Variants in SERPINA5 observed in about 807,000 individuals in gnomAD.
SERPINA5 encodes serpin family A member 5.
Under a neutral mutation model 25.3 loss-of-function variants are expected in SERPINA5, and 25 were observed. The ratio of observed to expected loss-of-function variants is 0.99; its 90% CI spans 0.72 to 1.38. The LOEUF is 1.38. Among genes scored for constraint, SERPINA5 ranks in the 40% most tolerant of loss-of-function variants. The pLI, the probability that SERPINA5 is intolerant of heterozygous loss-of-function variation, is 0.00. For missense variants in SERPINA5, 599 were observed against 509.5 expected, an observed-to-expected ratio of 1.18 and a Z score of -1.69; for synonymous variants, 234 against 206.2, an observed-to-expected ratio of 1.14 and a Z score of -1.16.
At chr14:94,585,972 G>A (rs1172084392) in intron 2 of SERPINA5, among the ~76,000 whole-genome samples, 4 of 152,136 alleles carry the variant, frequency 2.6e-5, no homozygotes, top group Non-Finnish European at 5.9e-5. Context: ...AGTGGCTCAA[G>A]GTGTAACTGA....
intron 2 of SERPINA5, among the ~76,000 whole-genome samples, chr14:94,585,822 G>A (rs1162874151): frequency 6.7e-6 from 1 of 149,804 alleles, no homozygotes; most frequent in South Asian, 2.1e-4. Flanking sequence ...GTACCCTATG[G>A]TACAGTTGAG....
intron 5 of SERPINA5, among the ~76,000 whole-genome samples, chr14:94,591,549 G>GTTCTATTCTA (rs59712526): frequency 0.15 from 16,565 of 108,162 alleles, 1,782 homozygotes; most frequent in South Asian, 0.21. Flanking sequence ...ATTCTGTTCT[G>GTTCTATTCTA]TTCTATTCTA....
chr14:94,588,827 G>A (rs1207174025), intron 3 of SERPINA5, among the ~76,000 whole-genome samples: 1 of 152,162 alleles, frequency 6.6e-6, no homozygotes, highest in Non-Finnish European at 1.5e-5. Context: ...TGCCTTCTTA[G>A]TATATCCTTG....
In SERPINA5 at chr14:94,587,723, C is replaced by T. The variant is rs6120; in HGVS notation, c.361C>T (p.Pro121Ser). Reference sequence around the variant, plus strand: ...GCAGCTCCTTCAGGAACTCAACCAGCCCAGAGATGGCTTCCAGCTGAGCCT... The same window carrying T: ...GCAGCTCCTTCAGGAACTCAACCAGTCCAGAGATGGCTTCCAGCTGAGCCT... ...FQQLLQELNQ[P>S]RDGFQLSLGN... The change falls in exon 3 of 6, where the codon CCC becomes TCC. Residue 121 changes from proline to serine, a missense_variant. By Grantham distance (74) the Pro-to-Ser change is moderately conservative. Coordinates refer to ENST00000329597, the MANE Select transcript of SERPINA5 (RefSeq NM_000624.6). 1.2e-6 allele frequency: 2 copies of T among 1,614,082 alleles called. No homozygotes were observed. The highest frequency in any genetic ancestry group is 2.7e-5 in the African/African-American group (2 of 74,936).
At chr14:94,588,264 G>A (rs1885162949) in intron 3 of SERPINA5, among the ~76,000 whole-genome samples, 1 of 152,128 alleles carries the variant, frequency 6.6e-6, no homozygotes, top group African/African-American at 2.4e-5. Context: ...CTTTCTACAG[G>A]CTCTGAAGTA....
Position 94,592,262 on chromosome 14 carries a change from ACAGGCCT to A in SERPINA5, c.*28_*34del. 6.2e-7 allele frequency: 1 copy of A among 1,602,978 alleles called. No homozygotes were observed. The highest frequency in any genetic ancestry group is 1.1e-5 in the South Asian group (1 of 89,496). ...TGAGGTGGGGCTTCTCCTGAAATCT[ACAGGCCT>A]CAGGGTGGGAGATGAAGGGGGCTAA... On this transcript the variant is annotated 3_prime_UTR_variant, in exon 6 of 6. Coordinates refer to ENST00000329597, the MANE Select transcript of SERPINA5 (RefSeq NM_000624.6).
intron 5 of SERPINA5, among the ~76,000 whole-genome samples, chr14:94,591,376 C>CCTCCA (rs1423953055): frequency 2.0e-5 from 3 of 146,906 alleles, no homozygotes; most frequent in African/African-American, 7.6e-5. Flanking sequence ...CCATTCCACT[C>CCTCCA]CTCCACTCCA....
chr14:94,585,764 C>CGTGTGTGTGTGT (rs3138588), intron 2 of SERPINA5, among the ~76,000 whole-genome samples: 3,571 of 145,796 alleles, frequency 0.024, 64 homozygotes, highest in South Asian at 0.047. Flanking sequence ...CAGGCTCACA[C>CGTGTGTGTGTGT]GTGTGTGTGT....
rs1241076102 is a variant in SERPINA5 at position 94,592,240 on chromosome 14, G to A, written c.*1G>A. The A allele has an allele frequency of 1.2e-6, 2 of 1,610,408 alleles. No homozygotes were observed. Among genetic ancestry groups the A allele is most frequent in the Middle Eastern group, 1.7e-4 (1 of 6,048 alleles). Reference sequence around the variant, plus strand: ...CCTTGGCAAAGTGAACCGCCCCTGAGGTGGGGCTTCTCCTGAAATCTACAG... The same window carrying A: ...CCTTGGCAAAGTGAACCGCCCCTGAAGTGGGGCTTCTCCTGAAATCTACAG... On this transcript the variant is annotated 3_prime_UTR_variant, in exon 6 of 6. Transcript: ENST00000329597.
chr14:94,592,300 G>T lies in SERPINA5; in HGVS notation c.*61G>T. On this transcript the variant is annotated 3_prime_UTR_variant, in exon 6 of 6. Transcript: ENST00000329597. Reference sequence around the variant, plus strand: ...TGGGAGATGAAGGGGGCTAAGCTATGGCCCATCTGTATGCTGGTAGCTAGT... The same window carrying T: ...TGGGAGATGAAGGGGGCTAAGCTATTGCCCATCTGTATGCTGGTAGCTAGT... The T allele has an allele frequency of 6.9e-7, 1 of 1,458,822 alleles. No homozygotes were observed. Among genetic ancestry groups the T allele is most frequent in the Non-Finnish European group, 9.4e-7 (1 of 1,066,908 alleles). 90.4% of individuals were successfully genotyped at this position (1,458,822 alleles called of 1,614,324 possible).
At chr14:94,592,032 G>T (rs1885320902) in intron 5 of SERPINA5, 25 bp from the exon 6 acceptor site, 1 of 1,601,158 alleles carries the variant, frequency 6.2e-7, no homozygotes, top group South Asian at 1.1e-5. Flanking sequence ...TAGTGGCCTG[G>T]TGATGCCTGG....
Position 94,587,599 on chromosome 14 carries a change from C to A in SERPINA5, c.237C>A (p.Leu79=), listed in dbSNP as rs1260682325. The change falls in exon 3 of 6, where the codon CTC becomes CTA. Residue 79 remains leucine (L), a synonymous_variant. Coordinates refer to ENST00000329597, the MANE Select transcript of SERPINA5 (RefSeq NM_000624.6). ...PVSISMSLAM[L]SLGAGSSTKM... ...GCATCTCCATGAGCCTGGCCATGCT[C>A]TCCCTGGGGGCTGGGTCCAGCACAA... 2 of 1,614,072 alleles carry A rather than the reference C, an allele frequency of 1.2e-6. No homozygotes were observed. The highest frequency in any genetic ancestry group is 1.7e-6 in the Non-Finnish European group (2 of 1,179,974).
chr14:94,590,891 T>C lies in SERPINA5; in HGVS notation c.1033T>C (p.Ser345Pro). The change falls in exon 5 of 6, where the codon TCT becomes CCT. Residue 345 changes from serine to proline, a missense_variant. By Grantham distance (74) the Ser-to-Pro change is moderately conservative (BLOSUM62 -1). Coordinates refer to ENST00000329597, the MANE Select transcript of SERPINA5 (RefSeq NM_000624.6). ...GISNHSNIQV[S>P]EMVHKAVVEV... ...CAGCAACCACTCAAATATCCAGGTG[T>C]CTGAGGTGGGTTCAGAAGCTCCTAT... 6.2e-7 allele frequency: 1 copy of C among 1,610,256 alleles called. No individual in the cohort carries two copies. Among genetic ancestry groups the C allele is most frequent in the Non-Finnish European group, 8.5e-7 (1 of 1,177,586 alleles).
Position 94,587,826 on chromosome 14 carries a change from C to A in SERPINA5, c.464C>A (p.Ala155Glu). Reference protein sequence around the residue: ...FVSAMKTLYLADTFPTNFRDS... With the variant: ...FVSAMKTLYLEDTFPTNFRDS... ...AGTGCCATGAAGACGCTGTACCTGG[C>A]AGACACTTTCCCTACCAACTTTAGG... Residue 155 changes from alanine (A) to glutamate (E), a missense_variant, in exon 3 of 6, where the codon GCA (alanine) becomes GAA (glutamate). By Grantham distance (107) the Ala-to-Glu change is moderately radical (BLOSUM62 -1). Coordinates refer to ENST00000329597, the MANE Select transcript of SERPINA5 (RefSeq NM_000624.6). 1 of 1,613,956 alleles carries A rather than the reference C, an allele frequency of 6.2e-7. No individual in the cohort carries two copies. The highest frequency in any genetic ancestry group is 8.5e-7 in the Non-Finnish European group (1 of 1,179,828).
chr14:94,591,748 C>A (rs1178760042), intron 5 of SERPINA5, among the ~76,000 whole-genome samples: 1 of 152,166 alleles, frequency 6.6e-6, no homozygotes, highest in Non-Finnish European at 1.5e-5. Context: ...ACTAAGAAGG[C>A]ACTTCCTAGC....
Position 94,590,815 on chromosome 14 carries a change from C to T in SERPINA5, c.957C>T (p.Pro319=), listed in dbSNP as rs139902148. 7 of 1,614,102 alleles carry T rather than the reference C, an allele frequency of 4.3e-6. No individual in the cohort carries two copies. In the East Asian group the frequency reaches 1.6e-4, roughly 36 times the overall value. Residue 319 remains proline, a synonymous_variant, in exon 5 of 6, where the codon CCC becomes CCT. Coordinates refer to ENST00000329597, the MANE Select transcript of SERPINA5 (RefSeq NM_000624.6). ...EGSYQLEKVL[P]SLGISNVFTS... Reference sequence around the variant, plus strand: ...CCTATCAGCTGGAGAAAGTCCTCCCCAGTCTGGGGATCAGTAACGTCTTCA... The same window carrying T: ...CCTATCAGCTGGAGAAAGTCCTCCCTAGTCTGGGGATCAGTAACGTCTTCA...
At chr14:94,590,577 C>T in intron 4 of SERPINA5, 172 bp from the exon 5 acceptor site, 6 of 846,908 alleles carry the variant, frequency 7.1e-6, no homozygotes, top group Middle Eastern at 3.7e-4. Flanking sequence ...CAAGGGGAGG[C>T]TCATCCTAGA....
intron 2 of SERPINA5, among the ~76,000 whole-genome samples, chr14:94,584,170 C>T (rs529598550): frequency 2.7e-4 from 41 of 152,246 alleles, no homozygotes; most frequent in African/African-American, 8.4e-4. Flanking sequence ...AGGCTGTGCA[C>T]GAGTCAGAGG....
intron 2 of SERPINA5, among the ~76,000 whole-genome samples, chr14:94,586,109 G>A (rs1348760469): frequency 1.3e-5 from 2 of 152,158 alleles, no homozygotes; most frequent in African/African-American, 4.8e-5. Flanking sequence ...GCCAGATGGG[G>A]AGGCATGGGC....
Sources: allele counts gnomAD v4.1 joint callset (sites outside exome capture counted in the v4.1 genomes callset), GRCh38; gene constraint gnomAD v4.1.1; transcripts MANE v1.5; gene names NCBI Gene and HGNC (gene_info 2026-07-23, HGNC 2026-07-21).